Variants in PRDM16 observed in about 807,000 individuals in gnomAD.
PRDM16 encodes the protein histone-lysine N-methyltransferase PRDM16.
A neutral mutation model predicts 110.6 loss-of-function variants in PRDM16; 23 were observed. The observed-to-expected ratio is 0.21, with a 90% CI of 0.15 to 0.29. The LOEUF is 0.29. Ranked by LOEUF, PRDM16 falls within the 10% of genes least tolerant of loss-of-function variation. PRDM16 has a pLI of 1.00. For synonymous variants in PRDM16, 799 were observed against 781.8 expected (o/e 1.02, Z -0.37); for missense variants, 1,615 against 1,794.3 (o/e 0.90, Z 1.81).
In PRDM16 at chr1:3,422,356, C is replaced by T. The variant is rs1391047384; in HGVS notation, c.2940-3225C>T. ...GCAGGAAGGCAGATAGACAGACTGG[C>T]AAGCAGGCAGACTGGCAGGCAGACA... On this transcript the variant is annotated intron_variant, in intron 12 of 16. Coordinates refer to ENST00000270722, the MANE Select transcript of PRDM16 (RefSeq NM_022114.4). Among the ~76,000 whole-genome samples, 4 of 151,546 alleles carry T rather than the reference C, an allele frequency of 2.6e-5. No individual in the cohort carries two copies. The East Asian group carries it at 7.8e-4, about 30-fold the overall frequency.
intron 3 of PRDM16, among the ~76,000 whole-genome samples, chr1:3,288,370 C>T (rs1178202060): frequency 6.6e-6 from 1 of 152,222 alleles, no homozygotes; most frequent in Non-Finnish European, 1.5e-5. Flanking sequence ...CTCTGTCTCT[C>T]TCCACCTCAG....
intron 1 of PRDM16, among the ~76,000 whole-genome samples, chr1:3,118,211 G>GCA (rs1202416533): frequency 2.6e-5 from 4 of 151,428 alleles, no homozygotes; most frequent in African/African-American, 7.3e-5. Context: ...ACGCACACAC[G>GCA]CACACACACA....
intron 1 of PRDM16, among the ~76,000 whole-genome samples, chr1:3,147,571 G>C (rs893480306): frequency 6.6e-6 from 1 of 152,146 alleles, no homozygotes; most frequent in Non-Finnish European, 1.5e-5. Context: ...TCATTGCCCT[G>C]CATGGTCTTT....
intron 2 of PRDM16, among the ~76,000 whole-genome samples, chr1:3,222,854 G>T (rs1007021530): frequency 6.6e-6 from 1 of 152,186 alleles, no homozygotes; most frequent in African/African-American, 2.4e-5. Context: ...TGATGTGAGG[G>T]CACTTTGCAT....
intron 1 of PRDM16, among the ~76,000 whole-genome samples, chr1:3,135,405 C>G (rs893087038): frequency 1.3e-5 from 2 of 152,214 alleles, no homozygotes; most frequent in African/African-American, 4.8e-5. Context: ...AACACAAGAG[C>G]CCACATTTCT....
At chr1:3,365,563 G>C in intron 3 of PRDM16, among the ~76,000 whole-genome samples, 1 of 152,220 alleles carries the variant, frequency 6.6e-6, no homozygotes, top group South Asian at 2.1e-4. Flanking sequence ...GGGGTTGGTG[G>C]TGCCCCCAGA....
chr1:3,270,112 G>A (rs145570341), intron 3 of PRDM16, among the ~76,000 whole-genome samples: 16 of 148,268 alleles, frequency 1.1e-4, no homozygotes, highest in African/African-American at 3.0e-4. Flanking sequence ...GATGACAGTC[G>A]GAGAGGAGGA....
intron 1 of PRDM16, among the ~76,000 whole-genome samples, chr1:3,172,078 A>C (rs1231453475): frequency 3.3e-5 from 5 of 152,156 alleles, no homozygotes; most frequent in African/African-American, 9.7e-5. Flanking sequence ...GCCGGCTGCC[A>C]AGCCAGCTGC....
At chr1:3,325,882 TTCTTGGCCATCCTTGGCCC>T (rs1186912677) in intron 3 of PRDM16, among the ~76,000 whole-genome samples, 7 of 151,676 alleles carry the variant, frequency 4.6e-5, no homozygotes, top group South Asian at 2.1e-4. Context: ...GCCATGACCA[TTCTTGGCCATCCTTGGCCC>T]TCTTGGCCCT....
intron 3 of PRDM16, among the ~76,000 whole-genome samples, chr1:3,319,953 C>T (rs533803779): frequency 2.6e-5 from 4 of 152,148 alleles, no homozygotes; most frequent in South Asian, 2.1e-4. Context: ...GTCCCAGGGA[C>T]GACTATTGTC....
chr1:3,297,702 C>T (rs1235278887), intron 3 of PRDM16, among the ~76,000 whole-genome samples: 1 of 152,122 alleles, frequency 6.6e-6, no homozygotes, highest in Non-Finnish European at 1.5e-5. Flanking sequence ...AAGCTGGCAC[C>T]AGGCCGACTC....
chr1:3,316,798 A>G (rs1641616599), intron 3 of PRDM16, among the ~76,000 whole-genome samples: 1 of 151,980 alleles, frequency 6.6e-6, no homozygotes, highest in Admixed American at 6.6e-5. Flanking sequence ...TGGTGTAACC[A>G]GGAAACAGTG....
At chr1:3,332,624 C>T (rs930547092) in intron 3 of PRDM16, among the ~76,000 whole-genome samples, 2 of 152,074 alleles carry the variant, frequency 1.3e-5, no homozygotes, top group Non-Finnish European at 2.9e-5. Flanking sequence ...GCGTGTCATT[C>T]GGTGACATTT....
rs140144504 is a variant in PRDM16, at chr1:3,362,973, C to T, written c.439-22179C>T. Reference sequence around the variant, plus strand: ...GTCTCGGGATTTGAAGACACCACAGCGTGCATCATTATGTAGGGGCAAATC... The same window carrying T: ...GTCTCGGGATTTGAAGACACCACAGTGTGCATCATTATGTAGGGGCAAATC... On this transcript the variant is annotated intron_variant, in intron 3 of 16. Transcript: ENST00000270722. Among the ~76,000 whole-genome samples, 7 of 152,318 alleles carry T rather than the reference C, an allele frequency of 4.6e-5. No homozygotes were observed. In the East Asian group the frequency reaches 1.2e-3, roughly 25 times the overall value.
chr1:3,343,238 C>A (rs891961999), intron 3 of PRDM16, among the ~76,000 whole-genome samples: 1 of 148,024 alleles, frequency 6.8e-6, no homozygotes, highest in Non-Finnish European at 1.5e-5. Context: ...ATGCATTTCC[C>A]AGATGAATTG....
chr1:3,146,466 G>A (rs1300760909), intron 1 of PRDM16, among the ~76,000 whole-genome samples: 2 of 151,862 alleles, frequency 1.3e-5, no homozygotes, highest in South Asian at 4.2e-4. Context: ...AGTGTGGGGT[G>A]TGCGCACATG....
At chr1:3,421,978 G>GGACAGACAGGCA (rs576523020) in intron 12 of PRDM16, among the ~76,000 whole-genome samples, 43 of 135,562 alleles carry the variant, frequency 3.2e-4, no homozygotes, top group Non-Finnish European at 5.8e-4. Context: ...ACAGGCAGGC[G>GGACAGACAGGCA]GACAGACAGG....
At chr1:3,220,966 C>A (rs892958926) in intron 2 of PRDM16, among the ~76,000 whole-genome samples, 1 of 152,200 alleles carries the variant, frequency 6.6e-6, no homozygotes, top group Non-Finnish European at 1.5e-5. Flanking sequence ...AGAATCCATC[C>A]CATCAGGCCA....
Position 3,081,993 on chromosome 1 carries a change from C to T in PRDM16, c.37+12697C>T, listed in dbSNP as rs1642039609. On this transcript the variant is annotated intron_variant, in intron 1 of 16. Transcript: ENST00000270722. This position sits in a 1 kb window ranked among gnomAD's most constrained non-coding sequence, Gnocchi z 4.6. ...CCCGTGAGCACCAACCCAAGCCTTG[C>T]ACCCCTGACATGTGGAGGCTTCTGA... 6.6e-6 allele frequency among the ~76,000 whole-genome samples: 1 copy of T among 152,248 alleles called. No individual in the cohort carries two copies. The highest frequency in any genetic ancestry group is 2.1e-4 in the South Asian group (1 of 4,836).
Sources: gnomAD v4.1 joint callset for allele counts (sites outside exome capture counted in the v4.1 genomes callset) on GRCh38, gnomAD v4.1.1 for gene constraint, Gnocchi (gnomAD v3.1) non-coding constraint, MANE v1.5 for transcripts, NCBI Gene and HGNC (gene_info 2026-07-23, HGNC 2026-07-21) for gene names.